The following FEN1 variants were observed in gnomAD, a reference collection of about 807,000 sequenced individuals.
FEN1 encodes flap structure-specific endonuclease 1, also known as flap endonuclease 1.
Under a neutral mutation model 24.7 loss-of-function variants are expected in FEN1, and 19 were observed. The ratio of observed to expected loss-of-function variants is 0.77; its 90% CI spans 0.54 to 1.13. FEN1 has a LOEUF of 1.13. Ranked by LOEUF, FEN1 falls within the 50% of genes most tolerant of loss-of-function variation. The pLI is 0.00. For missense variants in FEN1, 339 were observed against 488.7 expected (o/e 0.69, Z 2.89); for synonymous variants, 155 against 189.2 (o/e 0.82, Z 1.48).
Position 61,796,186 on chromosome 11 carries a change from C to T in FEN1, c.825C>T (p.Leu275=). The T allele has an allele frequency of 6.2e-7, 1 of 1,613,660 alleles. No individual in the cohort carries two copies. The highest frequency in any genetic ancestry group is 8.5e-7 in the Non-Finnish European group (1 of 1,180,046). ...AGTACCCTGTGCCAGAAAATTGGCT[C>T]CACAAGGAGGCTCACCAGCTCTTCT... ...PNKYPVPENW[L]HKEAHQLFLE... Residue 275 remains leucine, a synonymous_variant, in exon 2 of 2, where the codon CTC becomes CTT. Coordinates refer to ENST00000305885, the MANE Select transcript of FEN1 (RefSeq NM_004111.6).
chr11:61,792,930 C>T lies in FEN1; in HGVS notation c.-120C>T, dbSNP rs1013052650. 7.2e-6 allele frequency: 2 copies of T among 279,574 alleles called. No homozygotes were observed. The highest frequency in any genetic ancestry group is 3.3e-5 in the South Asian group (1 of 30,262). The allele number at this position is 279,574 out of a possible 1,614,324, so 17.3% of individuals were successfully genotyped here. A position where few individuals can be genotyped will look rare whatever the true frequency, so the allele number is the denominator to read the frequency against. On this transcript the variant is annotated 5_prime_UTR_variant, in exon 1 of 2. Transcript: ENST00000305885. ...GAAGGCGGCTGAACGTCAGGCCACC[C>T]GCCGCTAAGCTGAGAAGGGAGAGCG...
At position 61,797,025 on chromosome 11, in the gene FEN1, T is replaced by C. The variant is rs748897902; in HGVS notation, c.*521T>C. ...GAAAGCTGGAGCCCCTGGAGTTGGC[T>C]GTGTCTGTGTTTGTGACTGATTACT... is the stretch of plus-strand genomic sequence containing the variant. On this transcript the variant is annotated 3_prime_UTR_variant, in exon 2 of 2. Coordinates refer to ENST00000305885, the MANE Select transcript of FEN1 (RefSeq NM_004111.6). 23 of 171,122 alleles carry C rather than the reference T, an allele frequency of 1.3e-4. No individual in the cohort carries two copies. The highest frequency in any genetic ancestry group is 2.1e-4 in the Non-Finnish European group (15 of 70,528). The allele number at this position is 171,122 out of a possible 1,614,324, so 10.6% of individuals were successfully genotyped here.
At chr11:61,793,998 T>A (rs1381733808) in intron 1 of FEN1, among the ~76,000 whole-genome samples, 2 of 152,228 alleles carry the variant, frequency 1.3e-5, no homozygotes, top group Non-Finnish European at 2.9e-5. Flanking sequence ...TCTTGCTCTG[T>A]TGCCCAGGCT....
In FEN1 at chr11:61,796,420, T is replaced by C. The variant is rs1478218855; in HGVS notation, c.1059T>C (p.Ala353=). The C allele has an allele frequency of 6.2e-7, 1 of 1,613,452 alleles. No homozygotes were observed. Among genetic ancestry groups the C allele is most frequent in the East Asian group, 2.2e-5 (1 of 44,888 alleles). ...AGGTGACCGGCTCACTCTCTTCAGC[T>C]AAGCGCAAGGAGCCAGAACCCAAGG... The part of the protein sequence containing the change: ...FFKVTGSLSS[A]KRKEPEPKGS... Residue 353 remains alanine, a synonymous_variant, in exon 2 of 2, where the codon GCT becomes GCC. Transcript: ENST00000305885.
Position 61,795,508 on chromosome 11 carries a change from T to G in FEN1, c.147T>G (p.Gly49=), listed in dbSNP as rs189588818. 8.1e-5 allele frequency: 130 copies of G among 1,613,960 alleles called. No homozygotes were observed. In the East Asian group the frequency reaches 2.8e-3, roughly 35 times the overall value. Residue 49 remains glycine, a synonymous_variant, in exon 2 of 2, where the codon GGT becomes GGG. Transcript: ENST00000305885. The surrounding 1 kb of genome is among the most constrained non-coding windows in gnomAD (Gnocchi z 4.1). ...IYQFLIAVRQ[G]GDVLQNEEGE... is the part of the protein sequence containing the mutation. ...AGTTCCTGATTGCTGTTCGCCAGGG[T>G]GGGGATGTGCTGCAGAATGAGGAGG... is the stretch of plus-strand genomic sequence containing the variant.
chr11:61,796,467 A>G lies in FEN1; in HGVS notation c.1106A>G (p.Lys369Arg). ...AAGGGATCCACTAAGAAGAAGGCAAAGACTGGGGCAGCAGGGAAGTTTAAA... is the reference window on the plus strand; with the variant it reads ...AAGGGATCCACTAAGAAGAAGGCAAGGACTGGGGCAGCAGGGAAGTTTAAA... ...EPKGSTKKKA[K>R]TGAAGKFKRG... The change falls in exon 2 of 2, where the codon AAG (lysine) becomes AGG (arginine). Residue 369 changes from lysine to arginine, a missense_variant. By Grantham distance (26) the Lys-to-Arg change is conservative. Around this residue, in one of 3 missense-constraint regions of FEN1, gnomAD observed 53 missense variants for 94.1 expected, o/e 0.56. Coordinates refer to ENST00000305885, the MANE Select transcript of FEN1 (RefSeq NM_004111.6). 6.2e-7 allele frequency: 1 copy of G among 1,611,484 alleles called. No homozygotes were observed. Among genetic ancestry groups the G allele is most frequent in the Non-Finnish European group, 8.5e-7 (1 of 1,179,066 alleles).
rs780693254 is a variant in FEN1, at chr11:61,795,125, A to G, written c.-21-216A>G. Among the ~76,000 whole-genome samples the G allele has an allele frequency of 7.2e-5, 11 of 152,076 alleles. No homozygotes were observed. The highest frequency in any genetic ancestry group is 1.2e-4 in the African/African-American group (5 of 41,392). On this transcript the variant is annotated intron_variant, in intron 1 of 1. Coordinates refer to ENST00000305885, the MANE Select transcript of FEN1 (RefSeq NM_004111.6). The surrounding 1 kb of genome is among the most constrained non-coding windows in gnomAD (Gnocchi z 4.1). Reference sequence around the variant, plus strand: ...CTTATTTCTCTAAGCACGTGGTTCAATTTCTGGTACTCGTTGAGCCTTACT... The same window carrying G: ...CTTATTTCTCTAAGCACGTGGTTCAGTTTCTGGTACTCGTTGAGCCTTACT...
chr11:61,795,762 C>G lies in FEN1; in HGVS notation c.401C>G (p.Thr134Ser). The part of the protein sequence containing the change: ...EKFTKRLVKV[T>S]KQHNDECKHL... ...TTCACTAAGCGGCTGGTGAAGGTCA[C>G]TAAGCAGCACAATGATGAGTGCAAA... is the stretch of plus-strand genomic sequence containing the variant. Residue 134 changes from threonine to serine, a missense_variant, in exon 2 of 2, where the codon ACT becomes AGT. This residue lies in a region of FEN1 where 216 missense variants were observed against 329.7 expected (regional missense o/e 0.66). Coordinates refer to ENST00000305885, the MANE Select transcript of FEN1 (RefSeq NM_004111.6). This position sits in a 1 kb window ranked among gnomAD's most constrained non-coding sequence, Gnocchi z 4.1. 1 of 1,613,938 alleles carries G rather than the reference C, an allele frequency of 6.2e-7. No homozygotes were observed. Among genetic ancestry groups the G allele is most frequent in the Non-Finnish European group, 8.5e-7 (1 of 1,180,038 alleles).
intron 1 of FEN1, among the ~76,000 whole-genome samples, chr11:61,794,466 A>G (rs1363525996): frequency 6.6e-6 from 1 of 152,180 alleles, no homozygotes; most frequent in African/African-American, 2.4e-5. Context: ...AATACATATT[A>G]AAATATAACT....
At position 61,795,737 on chromosome 11, in the gene FEN1, TTCACTAAGCGGCTGGTGAAGG is replaced by T; in HGVS notation, c.386_406del (p.Arg129_Lys135del). ...TGGGGCCGAGCAGGAGGTGGAAAAA[TTCACTAAGCGGCTGGTGAAGG>T]TCACTAAGCAGCACAATGATGAGTG... On this transcript the variant is annotated inframe_deletion, in exon 2 of 2. Coordinates refer to ENST00000305885, the MANE Select transcript of FEN1 (RefSeq NM_004111.6). This position sits in a 1 kb window ranked among gnomAD's most constrained non-coding sequence, Gnocchi z 4.1. 6.2e-7 allele frequency: 1 copy of T among 1,613,768 alleles called. No individual in the cohort carries two copies. Among genetic ancestry groups the T allele is most frequent in the South Asian group, 1.1e-5 (1 of 91,076 alleles).
chr11:61,793,646 GTCAATTAATTATTAATTGATTAATAA>G (rs1405519055), intron 1 of FEN1, among the ~76,000 whole-genome samples: 1 of 152,164 alleles, frequency 6.6e-6, no homozygotes, highest in East Asian at 1.9e-4. Flanking sequence ...ATAATTCATT[GTCAATTAATTATTAATTGATTAATAA>G]TCCAGGGATG....
At position 61,796,065 on chromosome 11, in the gene FEN1, G is replaced by C. The variant is rs764549465; in HGVS notation, c.704G>C (p.Cys235Ser). The change falls in exon 2 of 2, where the codon TGT becomes TCT. Residue 235 changes from cysteine to serine, a missense_variant. Physicochemically the swap from Cys to Ser is moderately radical, Grantham distance 112. Around this residue, in one of 3 missense-constraint regions of FEN1, gnomAD observed 216 missense variants for 329.7 expected, o/e 0.66. Coordinates refer to ENST00000305885, the MANE Select transcript of FEN1 (RefSeq NM_004111.6). ...TGCATCCTGCTAGGCAGTGACTACT[G>C]TGAGAGTATCCGGGGTATTGGGCCC... is the stretch of plus-strand genomic sequence containing the variant. ...DLCILLGSDY[C>S]ESIRGIGPKR... is the part of the protein sequence containing the mutation. The C allele has an allele frequency of 5.0e-6, 8 of 1,614,124 alleles. No homozygotes were observed. The highest frequency in any genetic ancestry group is 6.8e-6 in the Non-Finnish European group (8 of 1,180,050).
chr11:61,795,206 C>T lies in FEN1; in HGVS notation c.-21-135C>T, dbSNP rs1331325609. The T allele has an allele frequency of 9.7e-6, 7 of 722,098 alleles. No individual in the cohort carries two copies. Among genetic ancestry groups the T allele is most frequent in the Non-Finnish European group, 1.5e-5 (7 of 460,930 alleles). The allele number at this position is 722,098 out of a possible 1,614,324, so 44.7% of individuals were successfully genotyped here. A position where few individuals can be genotyped will look rare whatever the true frequency, so the allele number is the denominator to read the frequency against. On this transcript the variant is annotated intron_variant, in intron 1 of 1. Transcript: ENST00000305885. The surrounding 1 kb of genome is among the most constrained non-coding windows in gnomAD (Gnocchi z 4.1). Reference sequence around the variant, plus strand: ...TTTTGAGAATGGGGACCTTGTTCATCTTTTTATCTTTAGCAGTGCTGACAT... The same window carrying T: ...TTTTGAGAATGGGGACCTTGTTCATTTTTTTATCTTTAGCAGTGCTGACAT...
At chr11:61,794,052 C>A (rs2066806357) in intron 1 of FEN1, among the ~76,000 whole-genome samples, 1 of 152,234 alleles carries the variant, frequency 6.6e-6, no homozygotes, top group African/African-American at 2.4e-5. Flanking sequence ...CCTGGAACTC[C>A]TGGGCTCATG....
In FEN1 at chr11:61,796,719, AG is replaced by A; in HGVS notation, c.*217del. On this transcript the variant is annotated 3_prime_UTR_variant, in exon 2 of 2. Transcript: ENST00000305885. ...CTTTTTTAGCTCAGGAAAATATGTC[AG>A]GCTCAAACCACTTCTCAGGCAGTTT... 1 of 584,682 alleles carries A rather than the reference AG, an allele frequency of 1.7e-6. No homozygotes were observed. Among genetic ancestry groups the A allele is most frequent in the Non-Finnish European group, 3.1e-6 (1 of 326,960 alleles). 36.2% of individuals were successfully genotyped at this position (584,682 alleles called of 1,614,324 possible).
rs925454257 is a variant in FEN1 at position 61,795,163 on chromosome 11, C to A, written c.-21-178C>A. 9.9e-5 allele frequency among the ~76,000 whole-genome samples: 15 copies of A among 152,184 alleles called. No homozygotes were observed. Among genetic ancestry groups the A allele is most frequent in the African/African-American group, 3.6e-4 (15 of 41,434 alleles). The stretch of plus-strand genomic sequence containing the variant: ...GTTGAGCCTTACTATTGAGTAAATT[C>A]TCCTGCTAGACTGAGTTTTTTGAGA... On this transcript the variant is annotated intron_variant, in intron 1 of 1. Coordinates refer to ENST00000305885, the MANE Select transcript of FEN1 (RefSeq NM_004111.6). This position sits in a 1 kb window ranked among gnomAD's most constrained non-coding sequence, Gnocchi z 4.1.
rs1050776587 is a variant in FEN1 at position 61,795,979 on chromosome 11, A to G, written c.618A>G (p.Glu206=). The change falls in exon 2 of 2, where the codon GAA becomes GAG. Residue 206 remains glutamate (E), a synonymous_variant. Transcript: ENST00000305885. This position sits in a 1 kb window ranked among gnomAD's most constrained non-coding sequence, Gnocchi z 4.1. The stretch of plus-strand genomic sequence containing the variant: ...AAGCCAAAAAGCTGCCAATCCAGGA[A>G]TTCCACCTGAGCCGGATTCTGCAGG... ...ASEAKKLPIQ[E]FHLSRILQEL... 1 of 1,614,190 alleles carries G rather than the reference A, an allele frequency of 6.2e-7. No individual in the cohort carries two copies. The highest frequency in any genetic ancestry group is 8.5e-7 in the Non-Finnish European group (1 of 1,180,040).
At chr11:61,793,842 G>A (rs2066804919) in intron 1 of FEN1, among the ~76,000 whole-genome samples, 1 of 152,184 alleles carries the variant, frequency 6.6e-6, no homozygotes, top group Non-Finnish European at 1.5e-5. Flanking sequence ...GAAGTGTTTG[G>A]ACTGAATTAG....
rs751984277 is a variant in FEN1, at chr11:61,796,515, C to T, written c.*11C>T. The T allele has an allele frequency of 1.4e-5, 22 of 1,590,562 alleles. No individual in the cohort carries two copies. Among genetic ancestry groups the T allele is most frequent in the Non-Finnish European group, 1.9e-5 (22 of 1,168,476 alleles). On this transcript the variant is annotated 3_prime_UTR_variant, in exon 2 of 2. Coordinates refer to ENST00000305885, the MANE Select transcript of FEN1 (RefSeq NM_004111.6). ...AAAAGGGGAAAATAAATGTGTTTCC[C>T]CATTATACCTCCTTCACCCCAGAAT...
Sources: gnomAD v4.1 joint callset for allele counts (sites outside exome capture counted in the v4.1 genomes callset) on GRCh38, gnomAD v4.1.1 for gene constraint, gnomAD v4.1.1 regional missense constraint, Gnocchi (gnomAD v3.1) non-coding constraint, MANE v1.5 for transcripts, NCBI Gene and HGNC (gene_info 2026-07-23, HGNC 2026-07-21) for gene names.